Variants in FHIT observed in about 807,000 individuals in gnomAD.
FHIT encodes the protein bis(5'-adenosyl)-triphosphatase.
Under a neutral mutation model 17.9 loss-of-function variants are expected in FHIT, and 19 were observed. That is an observed-to-expected ratio of 1.06 (90% CI 0.74 to 1.56). The LOEUF (loss-of-function observed/expected upper bound fraction) is 1.56, where lower values mean the gene tolerates loss of function less well. FHIT is among the 40% of genes most tolerant of loss of function. The pLI is 0.00. For missense variants in FHIT, 248 were observed against 189.2 expected (o/e 1.31, Z -1.82); for synonymous variants, 81 against 69.7 (o/e 1.16, Z -0.81).
intron 5 of FHIT, among the ~76,000 whole-genome samples, chr3:60,084,696 A>C (rs904971735): frequency 1.3e-5 from 2 of 152,158 alleles, no homozygotes; most frequent in African/African-American, 4.8e-5. Flanking sequence ...CTCAGCATAT[A>C]GGTGTTTGGT....
chr3:60,247,645 T>C (rs1705470593), intron 5 of FHIT, among the ~76,000 whole-genome samples: 1 of 152,170 alleles, frequency 6.6e-6, no homozygotes, highest in Non-Finnish European at 1.5e-5. Flanking sequence ...GTCTCACATT[T>C]AGGCAAATTT....
intron 5 of FHIT, among the ~76,000 whole-genome samples, chr3:60,512,317 G>A (rs1330856739): frequency 1.3e-5 from 2 of 152,148 alleles, no homozygotes; most frequent in Non-Finnish European, 2.9e-5. Flanking sequence ...CTAAAAGACA[G>A]CCAGTCAGCA....
chr3:59,750,520 A>G (rs1178496152), intron 9 of FHIT: 3 of 225,164 alleles, frequency 1.3e-5, no homozygotes, highest in Non-Finnish European at 2.7e-5. Context: ...CGAGAGAGAG[A>G]TGGTGAACAG....
intron 8 of FHIT, among the ~76,000 whole-genome samples, chr3:59,914,767 T>A (rs966366928): frequency 6.6e-6 from 1 of 152,160 alleles, no homozygotes; most frequent in African/African-American, 2.4e-5. Context: ...CTGTTTTATC[T>A]TTACCTAGTT....
chr3:60,626,785 CT>C (rs60098225), intron 4 of FHIT, among the ~76,000 whole-genome samples: 196 of 133,972 alleles, frequency 1.5e-3, no homozygotes, highest in Middle Eastern at 4.4e-3. Context: ...GGAAAACACT[CT>C]TTTTTTTTTT....
At chr3:59,981,383 C>T (rs372252972) in intron 7 of FHIT, among the ~76,000 whole-genome samples, 2 of 152,242 alleles carry the variant, frequency 1.3e-5, no homozygotes, top group East Asian at 3.9e-4. Flanking sequence ...TTTCATAAGG[C>T]AAAGGGCCTT....
chr3:60,410,740 T>G (rs1448935412), intron 5 of FHIT, among the ~76,000 whole-genome samples: 1 of 152,266 alleles, frequency 6.6e-6, no homozygotes, highest in Non-Finnish European at 1.5e-5. Context: ...TGGAAAACTA[T>G]TAAGTAGGAC....
intron 4 of FHIT, among the ~76,000 whole-genome samples, chr3:60,604,710 T>A (rs1428669481): frequency 1.3e-5 from 2 of 152,204 alleles, no homozygotes; most frequent in African/African-American, 4.8e-5. Context: ...ACTCTTGGTG[T>A]CCTAAGTGAT....
intron 5 of FHIT, among the ~76,000 whole-genome samples, chr3:60,484,877 G>T (rs1244947824): frequency 6.6e-6 from 1 of 152,104 alleles, no homozygotes; most frequent in African/African-American, 2.4e-5. Context: ...GCAATCTACA[G>T]AATGGGAGAA....
intron 4 of FHIT, among the ~76,000 whole-genome samples, chr3:60,803,716 GT>G (rs1701282943): frequency 6.6e-6 from 1 of 152,084 alleles, no homozygotes; most frequent in Admixed American, 6.5e-5. Context: ...TGCCCCTGGT[GT>G]CACCTTGTTT....
intron 8 of FHIT, among the ~76,000 whole-genome samples, chr3:59,816,256 A>G (rs1243625480): frequency 6.6e-6 from 1 of 152,192 alleles, no homozygotes; most frequent in Non-Finnish European, 1.5e-5. Context: ...ATTCCATGGA[A>G]TGATATGTGA....
At chr3:60,532,847 GA>G (rs1212695156) in intron 5 of FHIT, among the ~76,000 whole-genome samples, 2 of 152,156 alleles carry the variant, frequency 1.3e-5, no homozygotes, top group Non-Finnish European at 2.9e-5. Flanking sequence ...AAAGTCATAA[GA>G]AATAAGTGTT....
intron 8 of FHIT, among the ~76,000 whole-genome samples, chr3:59,901,737 T>C (rs919430715): frequency 1.3e-5 from 2 of 152,184 alleles, no homozygotes; most frequent in Non-Finnish European, 2.9e-5. Context: ...CTTCAAAAAT[T>C]AAACATAGGG....
At chr3:59,848,570 T>C (rs956826620) in intron 8 of FHIT, among the ~76,000 whole-genome samples, 15 of 152,190 alleles carry the variant, frequency 9.9e-5, no homozygotes, top group Non-Finnish European at 2.9e-5. Flanking sequence ...AAAAAGATTA[T>C]TTGTGTTGAC....
intron 5 of FHIT, among the ~76,000 whole-genome samples, chr3:60,183,915 A>G (rs1702051842): frequency 6.6e-6 from 1 of 152,150 alleles, no homozygotes; most frequent in South Asian, 2.1e-4. Context: ...TTCCACTATT[A>G]TTAGCAACTT....
chr3:59,984,076 A>C (rs911726391), intron 7 of FHIT, among the ~76,000 whole-genome samples: 4 of 152,164 alleles, frequency 2.6e-5, no homozygotes, highest in African/African-American at 9.7e-5. Flanking sequence ...GTAGCACACT[A>C]TCCCTAATAT....
chr3:60,337,342 C>G (rs1232533833), intron 5 of FHIT, among the ~76,000 whole-genome samples: 1 of 152,076 alleles, frequency 6.6e-6, no homozygotes, highest in East Asian at 1.9e-4. Flanking sequence ...CTGAAAAACT[C>G]GGTTTCGTGG....
chr3:59,916,490 T>C (rs1040399083), intron 8 of FHIT, among the ~76,000 whole-genome samples: 4 of 152,206 alleles, frequency 2.6e-5, no homozygotes, highest in Non-Finnish European at 5.9e-5. Context: ...TATACATCTA[T>C]CCTACTAGTT....
chr3:60,751,745 GA>G (rs10711853), intron 4 of FHIT, among the ~76,000 whole-genome samples: 73,321 of 151,434 alleles, frequency 0.48, 17,791 homozygotes, highest in South Asian at 0.62. Context: ...AGTATTTTAT[GA>G]AAAAAAAATT....
Sources: gnomAD v4.1 joint callset for allele counts (sites outside exome capture counted in the v4.1 genomes callset) on GRCh38, gnomAD v4.1.1 for gene constraint, MANE v1.5 for transcripts, NCBI Gene and HGNC (gene_info 2026-07-23, HGNC 2026-07-21) for gene names.